ADH4: variants seen among roughly 807,000 people sequenced by gnomAD.
ADH4 encodes all-trans-retinol dehydrogenase [NAD(+)] ADH4.
ADH4 carries 31 observed loss-of-function variants against 35.2 expected under a neutral mutation model. That is an observed-to-expected ratio of 0.88 (90% CI 0.66 to 1.19). The LOEUF (loss-of-function observed/expected upper bound fraction) is 1.19. ADH4 is among the 50% of genes most tolerant of loss of function. ADH4 has a pLI of 0.00. For synonymous variants in ADH4, 171 were observed against 160.2 expected, an observed-to-expected ratio of 1.07 and a Z score of -0.51; for missense variants, 476 against 458.3, an observed-to-expected ratio of 1.04 and a Z score of -0.35.
chr4:99,133,544 C>G (rs1382256995), intron 5 of ADH4: 1 of 152,224 alleles, frequency 6.6e-6, no homozygotes, highest in Non-Finnish European at 1.5e-5. Context: ...TCCTTAATTT[C>G]TTCCTATCAG....
chr4:99,129,095 T>A (rs1729189860), intron 6 of ADH4, among the ~76,000 whole-genome samples: 1 of 152,086 alleles, frequency 6.6e-6, no homozygotes. Flanking sequence ...CCACTGTGCC[T>A]GGCCTGTATT....
intron 5 of ADH4, among the ~76,000 whole-genome samples, chr4:99,132,579 C>A (rs548576742): frequency 6.6e-6 from 1 of 152,110 alleles, no homozygotes; most frequent in South Asian, 2.1e-4. Context: ...TTTTTAAATT[C>A]CATATTATTA....
At chr4:99,136,810 C>T (rs1359190067) in intron 4 of ADH4, 113 bp from the exon 5 acceptor site, 2 of 706,234 alleles carry the variant, frequency 2.8e-6, no homozygotes, top group African/African-American at 1.8e-5. Context: ...TGACAATTTA[C>T]AAGACAGAAA....
At chr4:99,144,150 C>T (rs1579408204) in intron 1 of ADH4, 55 bp downstream of exon 1, 3 of 1,599,754 alleles carry the variant, frequency 1.9e-6, no homozygotes, top group East Asian at 4.5e-5. Flanking sequence ...TTTAGCCAAA[C>T]ATACAAGGAC....
chr4:99,137,889 G>A (rs1729496559), intron 4 of ADH4, among the ~76,000 whole-genome samples: 1 of 151,962 alleles, frequency 6.6e-6, no homozygotes, highest in Non-Finnish European at 1.5e-5. Context: ...CATTTTTGTT[G>A]TCTCTTAATT....
intron 6 of ADH4, among the ~76,000 whole-genome samples, chr4:99,128,721 C>G (rs1376883271): frequency 6.6e-6 from 1 of 151,990 alleles, no homozygotes; most frequent in East Asian, 1.9e-4. Flanking sequence ...TCTAACAGTT[C>G]AGGATTTCTT....
intron 5 of ADH4, among the ~76,000 whole-genome samples, chr4:99,135,241 C>A (rs370086185): frequency 6.6e-6 from 1 of 151,700 alleles, no homozygotes; most frequent in Non-Finnish European, 1.5e-5. Context: ...CCAGCCTGGG[C>A]GACATAGGGA....
At chr4:99,133,724 C>G (rs1729354687) in intron 5 of ADH4, 1 of 152,156 alleles carries the variant, frequency 6.6e-6, no homozygotes, top group South Asian at 2.1e-4. Context: ...TGTGCATACC[C>G]ATGTTCAATG....
chr4:99,127,951 TTGG>T (rs1291554696), intron 6 of ADH4, among the ~76,000 whole-genome samples: 1 of 151,920 alleles, frequency 6.6e-6, no homozygotes, highest in Non-Finnish European at 1.5e-5. Flanking sequence ...GTGTCAGGGT[TTGG>T]GACAAAGGTT....
intron 6 of ADH4, among the ~76,000 whole-genome samples, chr4:99,128,930 G>C (rs1252579072): frequency 3.3e-5 from 5 of 151,956 alleles, no homozygotes; most frequent in East Asian, 3.9e-4. Context: ...CTCCCAAGTA[G>C]CTGGTACTAT....
intron 6 of ADH4, among the ~76,000 whole-genome samples, chr4:99,128,003 C>CT (rs531060104): frequency 8.3e-4 from 122 of 146,754 alleles, no homozygotes; most frequent in East Asian, 1.6e-3. Context: ...CGTTGTGTGA[C>CT]TTTTTTTTTT....
chr4:99,131,429 A>T, intron 6 of ADH4, 75 bp downstream of exon 6: 1 of 1,498,116 alleles, frequency 6.7e-7, no homozygotes, highest in Non-Finnish European at 9.1e-7. Context: ...CATAATAAAC[A>T]TAATCCACTT....
intron 1 of ADH4, 156 bp from the exon 2 acceptor site, chr4:99,142,936 A>G: frequency 1.6e-6 from 1 of 613,108 alleles, no homozygotes; most frequent in South Asian, 2.1e-5. Context: ...TCTTATAGAT[A>G]TTATTTTAAA....
chr4:99,138,446 T>C (rs904322775), intron 4 of ADH4, among the ~76,000 whole-genome samples: 22 of 152,282 alleles, frequency 1.4e-4, no homozygotes, highest in African/African-American at 5.1e-4. Context: ...ATTAAGATTT[T>C]AGACTCCAGA....
chr4:99,139,293 T>A, intron 3 of ADH4, 145 bp from the exon 4 acceptor site: 1 of 583,572 alleles, frequency 1.7e-6, no homozygotes, highest in Non-Finnish European at 3.1e-6. Context: ...TTCATTACCT[T>A]ACAAGACTGC....
chr4:99,136,725 A>G, intron 4 of ADH4, 28 bp from the exon 5 acceptor site: 1 of 1,405,762 alleles, frequency 7.1e-7, no homozygotes, highest in Non-Finnish European at 1.0e-6. Context: ...AGAGTGATAC[A>G]AATAAAGAGA....
chr4:99,131,420 A>G, intron 6 of ADH4, 84 bp downstream of exon 6: 3 of 1,447,256 alleles, frequency 2.1e-6, no homozygotes, highest in Non-Finnish European at 2.8e-6. Flanking sequence ...ACTAAGTACC[A>G]TAATAAACAT....
chr4:99,131,622 C>T lies in ADH4; in HGVS notation c.725G>A (p.Gly242Glu), dbSNP rs1729273851. 2 of 1,614,142 alleles carry T rather than the reference C, an allele frequency of 1.2e-6. No individual in the cohort carries two copies. The highest frequency in any genetic ancestry group is 1.7e-6 in the Non-Finnish European group (2 of 1,180,016). Residue 242 changes from glycine to glutamate, a missense_variant, in exon 6 of 9, where the codon GGA (glycine) becomes GAA (glutamate). Coordinates refer to ENST00000265512, the MANE Select transcript of ADH4 (RefSeq NM_000670.5). Reference protein sequence around the residue: ...SEKFVKAKALGATDCLNPRDL... With the variant: ...SEKFVKAKALEATDCLNPRDL... ...TCTAGGATTGAGGCAGTCAGTGGCT[C>T]CCAGGGCTTTAGCCTTCACAAACTT... is the stretch of plus-strand genomic sequence containing the variant.
Position 99,124,258 on chromosome 4 carries a change from T to C in ADH4, c.*184A>G. ...CACTAGTTATTATTATTATTTAACA[T>C]AGGGAATATTCATATATATAACAGG... On this transcript the variant is annotated 3_prime_UTR_variant, in exon 9 of 9. Transcript: ENST00000265512. 1 of 508,212 alleles carries C rather than the reference T, an allele frequency of 2.0e-6. No homozygotes were observed. Among genetic ancestry groups the C allele is most frequent in the South Asian group, 3.0e-5 (1 of 33,028 alleles). The allele number at this position is 508,212 out of a possible 1,614,324, so 31.5% of individuals were successfully genotyped here.
Sources: gnomAD v4.1 joint callset for allele counts (sites outside exome capture counted in the v4.1 genomes callset) on GRCh38, gnomAD v4.1.1 for gene constraint, MANE v1.5 for transcripts, NCBI Gene and HGNC (gene_info 2026-07-23, HGNC 2026-07-21) for gene names.